COL2A1: variants seen among roughly 807,000 people sequenced by gnomAD.
The protein encoded by COL2A1 is collagen alpha-1(II) chain.
COL2A1 carries 28 observed loss-of-function variants against 204.5 expected under a neutral mutation model. The ratio of observed to expected loss-of-function variants is 0.14; its 90% CI spans 0.10 to 0.19. The LOEUF (loss-of-function observed/expected upper bound fraction) is 0.19, where lower values mean the gene tolerates loss of function less well. Among genes scored for constraint, COL2A1 ranks in the 10% least tolerant of loss-of-function variants. COL2A1 has a pLI of 1.00. For missense variants in COL2A1, 1,388 were observed against 2,027.5 expected, an observed-to-expected ratio of 0.68 and a Z score of 6.06; for synonymous variants, 708 against 718.7, an observed-to-expected ratio of 0.99 and a Z score of 0.24.
chr12:47,984,505 C>T (rs201361289), intron 28 of COL2A1, 41 bp downstream of exon 28: 85 of 1,609,094 alleles, frequency 5.3e-5, no homozygotes, highest in African/African-American at 2.4e-4. Flanking sequence ...TGCAGATGCC[C>T]GGCCAACACC....
chr12:48,000,164 G>A, intron 1 of COL2A1, 39 bp from the exon 2 acceptor site: 1 of 1,437,290 alleles, frequency 7.0e-7, no homozygotes, highest in Non-Finnish European at 9.7e-7. Flanking sequence ...GAGAGCCAAG[G>A]GAAGGAGGGG....
Position 47,975,548 on chromosome 12 carries a change from C to T in COL2A1, c.3655G>A (p.Asp1219Asn), listed in dbSNP as rs760093841. Residue 1219 changes from aspartate to asparagine, a missense_variant, in exon 51 of 54, where the codon GAC becomes AAC. Transcript: ENST00000380518. ...CCTAAGCCAGCAAAGGCGGACATGT[C>T]GATGCCAGGGCCAGGGGGACCTGGA... ...GPPGPPGPGI[D>N]MSAFAGLGPR... 6.2e-7 allele frequency: 1 copy of T among 1,605,224 alleles called. No homozygotes were observed. Among genetic ancestry groups the T allele is most frequent in the Non-Finnish European group, 8.5e-7 (1 of 1,179,938 alleles).
At chr12:47,974,633 G>A (rs368435833) in intron 52 of COL2A1, 42 bp downstream of exon 52, 2 of 1,591,786 alleles carry the variant, frequency 1.3e-6, no homozygotes, top group African/African-American at 2.7e-5. Flanking sequence ...AAGAGTTTGA[G>A]GAGCCATCTC....
Position 47,982,417 on chromosome 12 carries a change from G to A in COL2A1, c.2301+85C>T. The A allele has an allele frequency of 3.5e-6, 4 of 1,141,716 alleles. No individual in the cohort carries two copies. In the South Asian group the frequency reaches 3.7e-5, roughly 11 times the overall value. 70.7% of individuals were successfully genotyped at this position (1,141,716 alleles called of 1,614,324 possible). On this transcript the variant is annotated intron_variant, in intron 34 of 53. Transcript: ENST00000380518. ...CTAACAGAAACCTTCATCACCAGGT[G>A]CCATAAGGGAACGGAAGCGATCACA... is the stretch of plus-strand genomic sequence containing the variant.
In COL2A1 at chr12:47,998,181, T is replaced by C; in HGVS notation, c.330A>G (p.Gly110=). 6.2e-7 allele frequency: 1 copy of C among 1,614,162 alleles called. No individual in the cohort carries two copies. The highest frequency in any genetic ancestry group is 8.5e-7 in the Non-Finnish European group (1 of 1,180,020). The change falls in exon 4 of 54, where the codon GGA becomes GGG. Residue 110 remains glycine, a synonymous_variant. Transcript: ENST00000380518. ...PGPKGQKGEP[G]DIKDIVGPKG... is the part of the protein sequence containing the mutation. ...AATTTGCACTTACATCCTTGATGTC[T>C]CCAGGTTCTCCTTTCTGTCCCTGAA...
intron 2 of COL2A1, chr12:47,999,577 CAG>C: frequency 3.5e-6 from 1 of 286,444 alleles, no homozygotes; most frequent in Non-Finnish European, 6.5e-6. Flanking sequence ...ATTGGCCAGA[CAG>C]AGCATTTGAT....
In COL2A1 at chr12:47,973,240, G is replaced by A; in HGVS notation, c.*167C>T. The A allele has an allele frequency of 2.4e-6, 2 of 835,452 alleles. No individual in the cohort carries two copies. Among genetic ancestry groups the A allele is most frequent in the Admixed American group, 1.9e-5 (1 of 53,512 alleles). The allele number at this position is 835,452 out of a possible 1,614,324, so 51.8% of individuals were successfully genotyped here. On this transcript the variant is annotated 3_prime_UTR_variant, in exon 54 of 54. Coordinates refer to ENST00000380518, the MANE Select transcript of COL2A1 (RefSeq NM_001844.5). ...TTTATTTTGCAGTCTGCCCAGTTCAGGTCTCTTAGAAAGAGAGGGGAGAAA... is the reference window on the plus strand; with the variant it reads ...TTTATTTTGCAGTCTGCCCAGTTCAAGTCTCTTAGAAAGAGAGGGGAGAAA...
Position 47,994,448 on chromosome 12 carries a change from A to C in COL2A1, c.792T>G (p.Gly264=). Residue 264 remains glycine (G), a synonymous_variant, in exon 12 of 54, where the codon GGT becomes GGG. Transcript: ENST00000380518. ...CCTGAGGACCAGGCGGACCCCTTTC[A>C]CCAGCTTTTCCAGGTTTTCCAGCTT... ...DGEAGKPGKA[G]ERGPPGPQGA... is the part of the protein sequence containing the mutation. 1.9e-6 allele frequency: 3 copies of C among 1,614,084 alleles called. No homozygotes were observed. Among genetic ancestry groups the C allele is most frequent in the Non-Finnish European group, 2.5e-6 (3 of 1,180,032 alleles).
Position 47,978,499 on chromosome 12 carries a change from A to C in COL2A1, c.2895+98T>G. On this transcript the variant is annotated intron_variant, in intron 42 of 53. Transcript: ENST00000380518. This position sits in a 1 kb window ranked among gnomAD's most constrained non-coding sequence, Gnocchi z 5.5. ...TGCAGCCCCGCTCCCTGGCATCCCC[A>C]CGGCCCCTGCTCCCTCCTACCCCAT... 2 of 1,576,638 alleles carry C rather than the reference A, an allele frequency of 1.3e-6. No individual in the cohort carries two copies. Among genetic ancestry groups the C allele is most frequent in the South Asian group, 1.1e-5 (1 of 87,828 alleles).
chr12:47,994,762 G>GCT (rs1158395988), intron 11 of COL2A1, among the ~76,000 whole-genome samples: 1 of 152,190 alleles, frequency 6.6e-6, no homozygotes, highest in Non-Finnish European at 1.5e-5. Context: ...GACTGTATGT[G>GCT]CTCTCTCTAA....
At position 47,997,853 on chromosome 12, in the gene COL2A1, G is replaced by C; in HGVS notation, c.429+18C>G. Reference sequence around the variant, plus strand: ...CTGGGAAGTCCACCAGGGTCAAGCAGCATTGCTTTTTACTCACTTTTTCAC... The same window carrying C: ...CTGGGAAGTCCACCAGGGTCAAGCACCATTGCTTTTTACTCACTTTTTCAC... On this transcript the variant is annotated intron_variant, in intron 6 of 53. Coordinates refer to ENST00000380518, the MANE Select transcript of COL2A1 (RefSeq NM_001844.5). 6.2e-7 allele frequency: 1 copy of C among 1,614,086 alleles called. No individual in the cohort carries two copies. The highest frequency in any genetic ancestry group is 8.5e-7 in the Non-Finnish European group (1 of 1,180,006).
chr12:47,979,448 T>C, intron 41 of COL2A1, 63 bp downstream of exon 41: 2 of 1,522,354 alleles, frequency 1.3e-6, no homozygotes, highest in South Asian at 1.1e-5. Flanking sequence ...CCAGACCCTG[T>C]TGGGTGCTGG....
chr12:47,981,320 G>C, intron 37 of COL2A1, 23 bp downstream of exon 37: 1 of 1,611,074 alleles, frequency 6.2e-7, no homozygotes, highest in South Asian at 1.1e-5. Flanking sequence ...GGCAGAGCCA[G>C]GCTCAGAGGG....
intron 2 of COL2A1, among the ~76,000 whole-genome samples, chr12:47,999,299 G>A (rs1940117152): frequency 6.6e-6 from 1 of 152,168 alleles, no homozygotes; most frequent in Non-Finnish European, 1.5e-5. Flanking sequence ...AGATACATGG[G>A]GCTCTGTCTC....
chr12:47,983,160 TGA>T (rs779801600), intron 31 of COL2A1, 23 bp from the exon 32 acceptor site: 1 of 1,611,800 alleles, frequency 6.2e-7, no homozygotes, highest in East Asian at 2.2e-5. Context: ...GAAAGATGTG[TGA>T]GAGTGAAGGC....
chr12:47,988,962 C>T (rs1268257698), intron 18 of COL2A1, among the ~76,000 whole-genome samples: 3 of 152,260 alleles, frequency 2.0e-5, no homozygotes, highest in East Asian at 1.9e-4. Context: ...GGTGTATCCC[C>T]GTCTTCTTCT....
chr12:47,983,085 A>T lies in COL2A1; in HGVS notation c.2094+8T>A, dbSNP rs759292387. The T allele has an allele frequency of 1.9e-6, 3 of 1,613,920 alleles. No individual in the cohort carries two copies. The highest frequency in any genetic ancestry group is 1.3e-5 in the African/African-American group (1 of 75,010). On this transcript the variant is annotated splice_region_variant and intron_variant, in intron 32 of 53. Coordinates refer to ENST00000380518, the MANE Select transcript of COL2A1 (RefSeq NM_001844.5). ...GAGGCAGCCCGCATTGGCCAACAGG[A>T]TACTCACCCTGGGACCCACGAGGCC...
intron 22 of COL2A1, 64 bp from the exon 23 acceptor site, chr12:47,986,507 T>G: frequency 1.0e-6 from 1 of 993,204 alleles, no homozygotes; most frequent in Non-Finnish European, 1.5e-6. Context: ...AAGCCTCGAC[T>G]CAGAGTATGA....
rs1027172426 is a variant in COL2A1, at chr12:47,987,966, A to G, written c.1123-257T>C. 6.6e-5 allele frequency among the ~76,000 whole-genome samples: 10 copies of G among 152,186 alleles called. No homozygotes were observed. Among genetic ancestry groups the G allele is most frequent in the African/African-American group, 2.4e-4 (10 of 41,508 alleles). Reference sequence around the variant, plus strand: ...TCATCTCTACACAGTGAGCCTCCACATGCCACGGCACAGCTACATACTACA... The same window carrying G: ...TCATCTCTACACAGTGAGCCTCCACGTGCCACGGCACAGCTACATACTACA... On this transcript the variant is annotated intron_variant, in intron 18 of 53. Coordinates refer to ENST00000380518, the MANE Select transcript of COL2A1 (RefSeq NM_001844.5). The surrounding 1 kb of genome is among the most constrained non-coding windows in gnomAD (Gnocchi z 4.1).
Sources: allele counts gnomAD v4.1 joint callset (sites outside exome capture counted in the v4.1 genomes callset), GRCh38; gene constraint gnomAD v4.1.1; non-coding constraint Gnocchi (gnomAD v3.1); transcripts MANE v1.5; gene names NCBI Gene and HGNC (gene_info 2026-07-23, HGNC 2026-07-21).